TENM2: variants seen among roughly 807,000 people sequenced by gnomAD.
The protein encoded by TENM2 is teneurin transmembrane protein 2.
TENM2 carries 52 observed loss-of-function variants against 245.2 expected under a neutral mutation model. The ratio of observed to expected loss-of-function variants is 0.21; its 90% CI spans 0.17 to 0.27. The LOEUF (loss-of-function observed/expected upper bound fraction) is 0.27. Among genes scored for constraint, TENM2 ranks in the 10% least tolerant of loss-of-function variants. TENM2 has a pLI of 1.00. For synonymous variants in TENM2, 1,363 were observed against 1,438.9 expected, an observed-to-expected ratio of 0.95 and a Z score of 1.19; for missense variants, 3,046 against 3,666.8, an observed-to-expected ratio of 0.83 and a Z score of 4.37.
At chr5:167,871,526 A>G (rs980651687) in intron 2 of TENM2, among the ~76,000 whole-genome samples, 4 of 152,254 alleles carry the variant, frequency 2.6e-5, no homozygotes, top group African/African-American at 9.6e-5. Context: ...GGTTAATCCA[A>G]TCACACAGAT....
the TENM2 span, among the ~76,000 whole-genome samples, chr5:167,007,217 A>T: frequency 6.6e-6 from 1 of 152,196 alleles, no homozygotes; most frequent in Non-Finnish European, 1.5e-5. The surrounding 1 kb of genome is among the most constrained non-coding windows in gnomAD (Gnocchi z 4.2). Flanking sequence ...CCCATTGCCT[A>T]GAATGACTAT....
intron 4 of TENM2, among the ~76,000 whole-genome samples, chr5:167,971,576 CTA>C (rs1346758109): frequency 6.6e-6 from 1 of 152,052 alleles, no homozygotes; most frequent in Non-Finnish European, 1.5e-5. Context: ...TGGTGCACGC[CTA>C]TAATCCCAGC....
intron 2 of TENM2, among the ~76,000 whole-genome samples, chr5:167,716,415 A>T (rs1759260039): frequency 6.6e-6 from 1 of 152,184 alleles, no homozygotes; most frequent in South Asian, 2.1e-4. Flanking sequence ...TTATACCAAG[A>T]TTCAAGTTTT....
the TENM2 span, among the ~76,000 whole-genome samples, chr5:167,224,102 G>GA: frequency 6.6e-6 from 1 of 152,046 alleles, no homozygotes; most frequent in South Asian, 2.1e-4. Flanking sequence ...TTCCCTGTTG[G>GA]ATGAGTAGTT....
chr5:167,499,465 G>T (rs1182843675), intron 2 of TENM2, among the ~76,000 whole-genome samples: 1 of 152,150 alleles, frequency 6.6e-6, no homozygotes, highest in Admixed American at 6.6e-5. Flanking sequence ...TTTTCTAGAA[G>T]TTGCTCCATT....
chr5:167,228,995 C>T, the TENM2 span, among the ~76,000 whole-genome samples: 135 of 152,306 alleles, frequency 8.9e-4, 1 homozygote, highest in South Asian at 4.8e-3. Flanking sequence ...CCACCGCGTC[C>T]GGCCCCAGTT....
chr5:167,164,855 T>C, the TENM2 span: 1 of 152,230 alleles, frequency 6.6e-6, no homozygotes, highest in Non-Finnish European at 1.5e-5. Context: ...AATATCTTGA[T>C]GGCAGTCTTA....
the TENM2 span, among the ~76,000 whole-genome samples, chr5:167,040,439 G>T: frequency 6.6e-6 from 1 of 152,010 alleles, no homozygotes; most frequent in Non-Finnish European, 1.5e-5. Flanking sequence ...ATAGTAAACA[G>T]CAATCAAATC....
chr5:168,011,408 G>A (rs927400353), intron 5 of TENM2, among the ~76,000 whole-genome samples: 2 of 152,154 alleles, frequency 1.3e-5, no homozygotes, highest in Admixed American at 6.5e-5. Context: ...TGTAGCAAGC[G>A]GAGACCAGAT....
chr5:167,519,673 T>C (rs1206122595), intron 2 of TENM2, among the ~76,000 whole-genome samples: 1 of 152,180 alleles, frequency 6.6e-6, no homozygotes, highest in Admixed American at 6.5e-5. Context: ...GAAATTATAG[T>C]TCGCTAAGAG....
At chr5:167,502,584 C>A (rs917439284) in intron 2 of TENM2, among the ~76,000 whole-genome samples, 1 of 152,258 alleles carries the variant, frequency 6.6e-6, no homozygotes, top group Middle Eastern at 3.4e-3. Flanking sequence ...ATTTCACCAT[C>A]TATAATGGAG....
At chr5:167,904,604 C>T (rs975737167) in intron 3 of TENM2, among the ~76,000 whole-genome samples, 4 of 152,152 alleles carry the variant, frequency 2.6e-5, no homozygotes, top group Admixed American at 6.5e-5. Context: ...ACAGAGATTA[C>T]GTGCTAATCA....
chr5:167,802,474 A>G (rs1765855255), intron 2 of TENM2, among the ~76,000 whole-genome samples: 2 of 152,180 alleles, frequency 1.3e-5, no homozygotes, highest in Admixed American at 6.5e-5. Flanking sequence ...AGAGCCTAGA[A>G]TGTGAAAGAA....
chr5:168,052,704 C>G (rs1199508413), intron 6 of TENM2, among the ~76,000 whole-genome samples: 1 of 152,076 alleles, frequency 6.6e-6, no homozygotes, highest in Non-Finnish European at 1.5e-5. Context: ...ATTTGTCTCA[C>G]TGGAGCTTGA....
intron 2 of TENM2, among the ~76,000 whole-genome samples, chr5:167,550,054 T>G (rs1772827152): frequency 6.6e-6 from 1 of 152,224 alleles, no homozygotes; most frequent in South Asian, 2.1e-4. Context: ...AAACTAGACA[T>G]CTGTTAAATT....
chr5:166,983,570 A>G, the TENM2 span, among the ~76,000 whole-genome samples: 8 of 152,300 alleles, frequency 5.3e-5, no homozygotes, highest in African/African-American at 1.7e-4. Context: ...ATGTTAGAAT[A>G]GAATCTATAT....
At chr5:167,897,710 T>A (rs554137657) in intron 3 of TENM2, among the ~76,000 whole-genome samples, 1 of 152,124 alleles carries the variant, frequency 6.6e-6, no homozygotes, top group Non-Finnish European at 1.5e-5. Context: ...TTTGCCTCAT[T>A]TGTGAGGGCT....
intron 3 of TENM2, among the ~76,000 whole-genome samples, chr5:167,939,908 G>A (rs1394836974): frequency 6.6e-6 from 1 of 152,206 alleles, no homozygotes; most frequent in Non-Finnish European, 1.5e-5. Context: ...TCAGGTGGCA[G>A]AAAGAGCCAC....
chr5:167,855,910 T>C (rs879814894), intron 2 of TENM2, among the ~76,000 whole-genome samples: 4 of 38,400 alleles, frequency 1.0e-4, no homozygotes, highest in African/African-American at 4.1e-4. Flanking sequence ...AGGGAGGGAA[T>C]GAGGGAGGGA....
Sources: allele counts gnomAD v4.1 joint callset (sites outside exome capture counted in the v4.1 genomes callset), GRCh38; gene constraint gnomAD v4.1.1; non-coding constraint Gnocchi (gnomAD v3.1); transcripts MANE v1.5; gene names NCBI Gene and HGNC (gene_info 2026-07-23, HGNC 2026-07-21).